The following PPP4R2 variants were observed in gnomAD, a reference collection of about 807,000 sequenced individuals.
PPP4R2 encodes the protein protein phosphatase 4 regulatory subunit 2, also known as serine/threonine-protein phosphatase 4 regulatory subunit 2.
A neutral mutation model predicts 47.2 loss-of-function variants in PPP4R2; 13 were observed. That is an observed-to-expected ratio of 0.28 (90% CI 0.18 to 0.44). PPP4R2 has a LOEUF of 0.44. PPP4R2 is among the 20% of genes least tolerant of loss of function. The pLI, the probability that PPP4R2 is intolerant of heterozygous loss-of-function variation, is 1.00. For missense variants in PPP4R2, 421 were observed against 491.2 expected (o/e 0.86, Z 1.35); for synonymous variants, 151 against 163.3 (o/e 0.92, Z 0.57).
chr3:73,046,637 C>T (rs1575875210), intron 2 of PPP4R2, among the ~76,000 whole-genome samples: 2 of 151,926 alleles, frequency 1.3e-5, no homozygotes, highest in Admixed American at 6.6e-5. Flanking sequence ...TGATTATGTG[C>T]CTTAATCATA....
At chr3:73,056,017 G>A (rs1196350012) in intron 3 of PPP4R2, among the ~76,000 whole-genome samples, 2 of 152,192 alleles carry the variant, frequency 1.3e-5, no homozygotes, top group African/African-American at 2.4e-5. Flanking sequence ...TGGCATGTGT[G>A]TTTAACGCTC....
intron 6 of PPP4R2, 26 bp downstream of exon 6, chr3:73,063,773 A>G (rs2107346552): frequency 2.8e-6 from 4 of 1,447,178 alleles, no homozygotes; most frequent in Non-Finnish European, 2.9e-6. Context: ...TTTAATACCT[A>G]CAGAGTTTGC....
chr3:73,064,972 A>G lies in PPP4R2; in HGVS notation c.759A>G (p.Glu253=), dbSNP rs1472309641. The G allele has an allele frequency of 6.2e-7, 1 of 1,613,814 alleles. No individual in the cohort carries two copies. Among genetic ancestry groups the G allele is most frequent in the Non-Finnish European group, 8.5e-7 (1 of 1,179,842 alleles). Residue 253 remains glutamate (E), a synonymous_variant, in exon 8 of 9, where the codon GAA becomes GAG. Transcript: ENST00000356692. Reference sequence around the variant, plus strand: ...TAAAAAGACTCAGGTTTGACAAAGAAGGTGAAGTCAGAGAAACAGCCAGTC... The same window carrying G: ...TAAAAAGACTCAGGTTTGACAAAGAGGGTGAAGTCAGAGAAACAGCCAGTC... ...HEVKRLRFDK[E]GEVRETASQT... is the part of the protein sequence containing the mutation.
chr3:73,018,465 A>ATGTTTGTTATGTTATGTTATGTTATTTAT (rs1295553516), intron 2 of PPP4R2, among the ~76,000 whole-genome samples: 3 of 88,856 alleles, frequency 3.4e-5, no homozygotes, highest in Non-Finnish European at 5.4e-5. Flanking sequence ...ATGTTATGTT[A>ATGTTTGTTATGTTATGTTATGTTATTTAT]GTATCCGAAA....
At position 73,028,673 on chromosome 3, in the gene PPP4R2, C is replaced by T. The variant is rs145834581; in HGVS notation, c.117-18513C>T. The stretch of plus-strand genomic sequence containing the variant: ...CCAGGATGGTTTGATCTCCTGACCT[C>T]GTGATCCGCCCGCCTAGGCCTCCCA... On this transcript the variant is annotated intron_variant, in intron 2 of 8. Coordinates refer to ENST00000356692, the MANE Select transcript of PPP4R2 (RefSeq NM_174907.4). Among the ~76,000 whole-genome samples the T allele has an allele frequency of 9.9e-5, 15 of 152,008 alleles. No homozygotes were observed. The East Asian group carries it at 2.3e-3, about 24-fold the overall frequency.
chr3:73,011,770 C>A (rs908737888), intron 2 of PPP4R2, among the ~76,000 whole-genome samples: 3 of 147,186 alleles, frequency 2.0e-5, no homozygotes, highest in Non-Finnish European at 4.5e-5. Flanking sequence ...GAGACTGATA[C>A]GTGTATTTTA....
At chr3:73,007,280 T>TC (rs1559547147) in intron 2 of PPP4R2, among the ~76,000 whole-genome samples, 4 of 152,238 alleles carry the variant, frequency 2.6e-5, no homozygotes, top group Middle Eastern at 3.4e-3. Flanking sequence ...TGCTTTTTTT[T>TC]CCCCCTCTAC....
chr3:73,017,825 C>G (rs1354823905), intron 2 of PPP4R2, among the ~76,000 whole-genome samples: 1 of 151,734 alleles, frequency 6.6e-6, no homozygotes, highest in Non-Finnish European at 1.5e-5. Flanking sequence ...CTCCTGGGTT[C>G]TAGCAATTCT....
intron 2 of PPP4R2, among the ~76,000 whole-genome samples, chr3:73,020,907 G>A (rs146189614): frequency 2.0e-5 from 3 of 151,928 alleles, no homozygotes; most frequent in Admixed American, 1.3e-4. Flanking sequence ...GTCCTAATCC[G>A]ATTATGAGGG....
At chr3:73,021,478 C>T (rs937312845) in intron 2 of PPP4R2, among the ~76,000 whole-genome samples, 1 of 151,966 alleles carries the variant, frequency 6.6e-6, no homozygotes, top group Admixed American at 6.6e-5. Context: ...CTGAAGCCTT[C>T]CTCCCACCTC....
intron 3 of PPP4R2, among the ~76,000 whole-genome samples, chr3:73,052,349 T>A (rs947966285): frequency 6.6e-6 from 1 of 151,766 alleles, no homozygotes; most frequent in Non-Finnish European, 1.5e-5. Context: ...AGTTACAGTT[T>A]GTCAGATGAG....
chr3:73,007,709 G>A (rs1033745842), intron 2 of PPP4R2, among the ~76,000 whole-genome samples: 1 of 152,100 alleles, frequency 6.6e-6, no homozygotes, highest in Admixed American at 6.5e-5. Context: ...GGCTGGTCTC[G>A]AACTCTTGAC....
chr3:73,018,688 A>G (rs557287290), intron 2 of PPP4R2, among the ~76,000 whole-genome samples: 1 of 152,152 alleles, frequency 6.6e-6, no homozygotes, highest in South Asian at 2.1e-4. Context: ...AGTTCACTGA[A>G]TATGCAGTGT....
chr3:73,062,807 G>T (rs1301419018), intron 5 of PPP4R2: 3 of 1,613,834 alleles, frequency 1.9e-6, no homozygotes, highest in Middle Eastern at 1.6e-4. Flanking sequence ...CCATAGGTTG[G>T]ATCAGCTCAA....
chr3:73,031,580 T>C (rs565880882), intron 2 of PPP4R2, among the ~76,000 whole-genome samples: 3 of 152,262 alleles, frequency 2.0e-5, no homozygotes, highest in Non-Finnish European at 2.9e-5. Flanking sequence ...ATTTCATTTA[T>C]TTTTAAAAAA....
At chr3:73,006,651 C>T (rs528149564) in intron 2 of PPP4R2, among the ~76,000 whole-genome samples, 4 of 152,268 alleles carry the variant, frequency 2.6e-5, no homozygotes, top group Admixed American at 2.0e-4. Context: ...CATTGTGGGG[C>T]TTACCTCTAG....
chr3:73,020,642 C>G (rs945069122), intron 2 of PPP4R2, among the ~76,000 whole-genome samples: 2 of 145,540 alleles, frequency 1.4e-5, no homozygotes, highest in Middle Eastern at 3.5e-3. Flanking sequence ...TGCACTCCAG[C>G]CTGGGCCACA....
In PPP4R2 at chr3:73,065,407, G is replaced by T; in HGVS notation, c.939G>T (p.Met313Ile). The T allele has an allele frequency of 6.3e-7, 1 of 1,589,464 alleles. No homozygotes were observed. The highest frequency in any genetic ancestry group is 1.2e-5 in the South Asian group (1 of 86,714). Residue 313 changes from methionine to isoleucine, a missense_variant, in exon 9 of 9, where the codon ATG (methionine) becomes ATT (isoleucine). By Grantham distance (10) the Met-to-Ile change is conservative. Around this residue, in one of 2 missense-constraint regions of PPP4R2, gnomAD observed 317 missense variants for 287.5 expected, o/e 1.10. Coordinates refer to ENST00000356692, the MANE Select transcript of PPP4R2 (RefSeq NM_174907.4). ...EDEEEEEESF[M>I]TSREMIPERK... The stretch of plus-strand genomic sequence containing the variant: ...TTTGCTTATTTTTAGAGTCTTTTAT[G>T]ACATCAAGAGAAATGATCCCAGAAA...
At chr3:73,064,458 G>A (rs1350590478) in intron 7 of PPP4R2, among the ~76,000 whole-genome samples, 1 of 152,170 alleles carries the variant, frequency 6.6e-6, no homozygotes, top group Non-Finnish European at 1.5e-5. Context: ...GTTGATTTTT[G>A]TGAGTCGTTT....
Sources: gnomAD v4.1 joint callset for allele counts (sites outside exome capture counted in the v4.1 genomes callset) on GRCh38, gnomAD v4.1.1 for gene constraint, gnomAD v4.1.1 regional missense constraint, MANE v1.5 for transcripts, NCBI Gene and HGNC (gene_info 2026-07-23, HGNC 2026-07-21) for gene names.